The following CRISP2 variants were observed in gnomAD, a reference collection of about 807,000 sequenced individuals.
The protein encoded by CRISP2 is cysteine rich secretory protein 2, also known as cysteine-rich secretory protein 2.
Under a neutral mutation model 31.7 loss-of-function variants are expected in CRISP2, and 29 were observed. The ratio of observed to expected loss-of-function variants is 0.92; its 90% CI spans 0.68 to 1.25. CRISP2 has a LOEUF of 1.25. Among genes scored for constraint, CRISP2 ranks in the 50% most tolerant of loss-of-function variants. CRISP2 has a pLI of 0.00. For missense variants in CRISP2, 318 were observed against 286.5 expected, an observed-to-expected ratio of 1.11 and a Z score of -0.79; for synonymous variants, 111 against 101.4, an observed-to-expected ratio of 1.09 and a Z score of -0.57.
intron 4 of CRISP2, among the ~76,000 whole-genome samples, chr6:49,702,639 A>T (rs12215348): frequency 0.053 from 7,992 of 151,832 alleles, 223 homozygotes; most frequent in Non-Finnish European, 0.059. Context: ...CCCTTAGCCC[A>T]CTTTTTGATG....
chr6:49,687,258 C>A, the CRISP2 span, among the ~76,000 whole-genome samples: 126 of 152,206 alleles, frequency 8.3e-4, 1 homozygote, highest in African/African-American at 2.8e-3. Flanking sequence ...TAATCTTATA[C>A]TTAACAAATA....
chr6:49,704,169 C>A (rs1463983873), intron 4 of CRISP2, among the ~76,000 whole-genome samples: 2 of 151,866 alleles, frequency 1.3e-5, no homozygotes, highest in East Asian at 3.9e-4. Context: ...GTATTTTTTG[C>A]ATTTCTCTAA....
At chr6:49,712,107 C>T (rs1768118985) in intron 2 of CRISP2, among the ~76,000 whole-genome samples, 1 of 152,158 alleles carries the variant, frequency 6.6e-6, no homozygotes, top group Non-Finnish European at 1.5e-5. Context: ...TTCACATGTT[C>T]AAGGCCTGGT....
chr6:49,685,831 C>A, the CRISP2 span, among the ~76,000 whole-genome samples: 1 of 152,080 alleles, frequency 6.6e-6, no homozygotes, highest in Non-Finnish European at 1.5e-5. Flanking sequence ...TGGGCTTTCC[C>A]CCACTTCTTA....
chr6:49,711,999 T>C (rs1768096879), intron 2 of CRISP2, among the ~76,000 whole-genome samples: 1 of 152,372 alleles, frequency 6.6e-6, no homozygotes, highest in East Asian at 1.9e-4. Context: ...TATAAACATA[T>C]GCTGTTTGAT....
At chr6:49,685,738 A>C in the CRISP2 span, among the ~76,000 whole-genome samples, 1 of 151,986 alleles carries the variant, frequency 6.6e-6, no homozygotes, top group African/African-American at 2.4e-5. Context: ...TATAATACTC[A>C]TTAGGTCGGC....
At chr6:49,703,544 A>AG (rs1437072013) in intron 4 of CRISP2, among the ~76,000 whole-genome samples, 4 of 152,216 alleles carry the variant, frequency 2.6e-5, no homozygotes, top group Admixed American at 6.5e-5. Flanking sequence ...CTCCTTGGTT[A>AG]GGTATACTCC....
chr6:49,700,885 G>A (rs1481331096), intron 4 of CRISP2, 101 bp from the exon 5 acceptor site: 1 of 698,656 alleles, frequency 1.4e-6, no homozygotes, highest in Non-Finnish European at 2.5e-6. Flanking sequence ...TTTAAAAAGT[G>A]CAAAATAGTT....
At chr6:49,682,643 CTTCTTTCTTTCT>C in the CRISP2 span, among the ~76,000 whole-genome samples, 4,410 of 55,830 alleles carry the variant, frequency 0.079, 115 homozygotes, top group African/African-American at 0.18. Context: ...TTCTTTCTTT[CTTCTTTCTTTCT>C]TTTCTTTCTT....
In CRISP2 at chr6:49,697,923, C is replaced by T. The variant is rs1291356800; in HGVS notation, c.452G>A (p.Gly151Glu). ...ATCTTGATTGGGACAGTAGGCAATT[C>T]CACAGCCTACCTGGTAAGTCGAGTA... is the stretch of plus-strand genomic sequence containing the variant. ...VWYSTYQVGC[G>E]IAYCPNQDSL... The change falls in exon 8 of 10, where the codon GGA becomes GAA. Residue 151 changes from glycine (G) to glutamate (E), a missense_variant. By Grantham distance (98) the Gly-to-Glu change is moderately conservative. Coordinates refer to ENST00000339139, the MANE Select transcript of CRISP2 (RefSeq NM_003296.4). The T allele has an allele frequency of 6.2e-7, 1 of 1,609,362 alleles. No homozygotes were observed. Among genetic ancestry groups the T allele is most frequent in the East Asian group, 2.2e-5 (1 of 44,770 alleles).
intron 4 of CRISP2, among the ~76,000 whole-genome samples, chr6:49,705,444 C>T (rs1766855131): frequency 6.6e-6 from 1 of 152,144 alleles, no homozygotes; most frequent in Admixed American, 6.5e-5. Flanking sequence ...CAACCCTCCC[C>T]AAGGAGAGAC....
chr6:49,710,398 C>T (rs139002570), intron 3 of CRISP2, among the ~76,000 whole-genome samples: 1 of 152,116 alleles, frequency 6.6e-6, no homozygotes, highest in African/African-American at 2.4e-5. Flanking sequence ...AGAAATTAGT[C>T]TTCATCCAAT....
At chr6:49,706,280 C>T (rs1445616812) in intron 4 of CRISP2, among the ~76,000 whole-genome samples, 1 of 152,160 alleles carries the variant, frequency 6.6e-6, no homozygotes, top group Non-Finnish European at 1.5e-5. Flanking sequence ...TGTTTAGGCC[C>T]AGTTGAAGTG....
chr6:49,679,692 T>G, the CRISP2 span, among the ~76,000 whole-genome samples: 307 of 148,808 alleles, frequency 2.1e-3, no homozygotes, highest in African/African-American at 7.7e-3. Context: ...TGTTGTTGTT[T>G]TTTTTTGACA....
the CRISP2 span, among the ~76,000 whole-genome samples, chr6:49,678,823 T>C: frequency 5.5e-4 from 84 of 152,202 alleles, no homozygotes; most frequent in Non-Finnish European, 1.1e-3. Flanking sequence ...CCACTTAATA[T>C]TCCACAGTGC....
chr6:49,683,694 A>AATATATATATATATATATATAT, the CRISP2 span, among the ~76,000 whole-genome samples: 19 of 6,174 alleles, frequency 3.1e-3, no homozygotes, highest in East Asian at 0.029. Context: ...AAAAAAAAAA[A>AATATATATATATATATATATAT]ATATATATAT....
At chr6:49,701,743 G>GTA (rs1370386340) in intron 4 of CRISP2, among the ~76,000 whole-genome samples, 1 of 86,908 alleles carries the variant, frequency 1.2e-5, no homozygotes. Context: ...TATATACACG[G>GTA]TATATATATA....
At chr6:49,713,925 G>T (rs1284099577), upstream of CRISP2, among the ~76,000 whole-genome samples, 1 of 152,196 alleles carries the variant, frequency 6.6e-6, no homozygotes, top group African/African-American at 2.4e-5. Context: ...AGGTGCTTAA[G>T]TTTGCAGTGC....
chr6:49,710,586 C>T (rs1767839149), intron 3 of CRISP2, among the ~76,000 whole-genome samples: 1 of 152,016 alleles, frequency 6.6e-6, no homozygotes, highest in African/African-American at 2.4e-5. Flanking sequence ...AATATGCCAG[C>T]TTATACAATA....
Sources: gnomAD v4.1 joint callset for allele counts (sites outside exome capture counted in the v4.1 genomes callset) on GRCh38, gnomAD v4.1.1 for gene constraint, MANE v1.5 for transcripts, NCBI Gene and HGNC (gene_info 2026-07-23, HGNC 2026-07-21) for gene names.